ASTN2: variants seen among roughly 807,000 people sequenced by gnomAD.
ASTN2 encodes astrotactin 2, also known as astrotactin-2.
Under a neutral mutation model 139.8 loss-of-function variants are expected in ASTN2, and 54 were observed. The observed-to-expected ratio is 0.39, with a 90% CI of 0.31 to 0.48. The LOEUF (loss-of-function observed/expected upper bound fraction) is 0.48. ASTN2 is among the 20% of genes least tolerant of loss of function. ASTN2 has a pLI of 0.95. For missense variants in ASTN2, 1,565 were observed against 1,725.1 expected, an observed-to-expected ratio of 0.91 and a Z score of 1.64; for synonymous variants, 756 against 719.5, an observed-to-expected ratio of 1.05 and a Z score of -0.81.
At chr9:117,395,757 C>A (rs1465648042) in intron 1 of ASTN2, among the ~76,000 whole-genome samples, 3 of 152,126 alleles carry the variant, frequency 2.0e-5, no homozygotes, top group Non-Finnish European at 2.9e-5. Context: ...TACACAGAAC[C>A]CCCATGAAAC....
intron 11 of ASTN2, among the ~76,000 whole-genome samples, chr9:116,827,352 C>T (rs186595363): frequency 7.2e-6 from 1 of 138,408 alleles, no homozygotes; most frequent in East Asian, 2.1e-4. Context: ...AATACAAGAA[C>T]AAACCACACC....
intron 5 of ASTN2, among the ~76,000 whole-genome samples, chr9:117,053,931 C>G (rs1838983786): frequency 2.0e-5 from 3 of 151,674 alleles, no homozygotes; most frequent in African/African-American, 7.3e-5. Context: ...CTTCAGACCA[C>G]TAACATTTTA....
At chr9:117,105,386 C>A (rs1199855894) in intron 4 of ASTN2, among the ~76,000 whole-genome samples, 1 of 152,100 alleles carries the variant, frequency 6.6e-6, no homozygotes, top group Non-Finnish European at 1.5e-5. Flanking sequence ...AGAGTCTCAG[C>A]TAAGCCCAGC....
chr9:117,373,404 T>C (rs559996758), intron 1 of ASTN2, among the ~76,000 whole-genome samples: 1 of 152,318 alleles, frequency 6.6e-6, no homozygotes, highest in South Asian at 2.1e-4. Flanking sequence ...ATCTTTATTT[T>C]GGCTTCCCTG....
At chr9:116,760,997 A>T (rs899949053) in intron 13 of ASTN2, among the ~76,000 whole-genome samples, 11 of 152,322 alleles carry the variant, frequency 7.2e-5, no homozygotes, top group African/African-American at 2.6e-4. Context: ...GAGATGCTGG[A>T]AGGATGGCTG....
intron 19 of ASTN2, among the ~76,000 whole-genome samples, chr9:116,615,421 C>G (rs1306022135): frequency 6.6e-6 from 1 of 152,076 alleles, no homozygotes; most frequent in Non-Finnish European, 1.5e-5. Context: ...AAGACACGTG[C>G]ACACGTATGT....
chr9:117,367,872 T>A (rs907709139), intron 1 of ASTN2, among the ~76,000 whole-genome samples: 1 of 152,190 alleles, frequency 6.6e-6, no homozygotes, highest in African/African-American at 2.4e-5. Flanking sequence ...GGTCAGCCCC[T>A]GTTCATTTGC....
chr9:116,757,338 T>C (rs550949581), intron 13 of ASTN2, among the ~76,000 whole-genome samples: 1 of 152,302 alleles, frequency 6.6e-6, no homozygotes, highest in East Asian at 1.9e-4. Context: ...TTTTTCTTTT[T>C]GGCATGCGTG....
chr9:116,805,753 C>T lies in ASTN2; in HGVS notation c.2275G>A (p.Gly759Ser), dbSNP rs769441967. Residue 759 changes from glycine (G) to serine (S), a missense_variant, in exon 13 of 23, where the codon GGC becomes AGC. Gly to Ser is a moderately conservative substitution (Grantham distance 56). Transcript: ENST00000313400. ...SCLMLSDVCE[G>S]PKCLKPDSKF... ...GAGTCAGGTTTGAGGCACTTGGGGC[C>T]CTCGCAGACATCTGAGAGCATTAAG... 1 of 1,613,914 alleles carries T rather than the reference C, an allele frequency of 6.2e-7. No homozygotes were observed. The highest frequency in any genetic ancestry group is 8.5e-7 in the Non-Finnish European group (1 of 1,179,842).
chr9:116,499,309 G>A (rs1483806898), intron 19 of ASTN2, among the ~76,000 whole-genome samples: 4 of 144,596 alleles, frequency 2.8e-5, no homozygotes, highest in Non-Finnish European at 4.4e-5. Context: ...ATTAAAGGTC[G>A]ATTGAATGAA....
intron 5 of ASTN2, among the ~76,000 whole-genome samples, chr9:117,076,632 G>A (rs1320924719): frequency 6.6e-6 from 1 of 152,162 alleles, no homozygotes; most frequent in African/African-American, 2.4e-5. Context: ...CCAGTTAGGA[G>A]GCTGTTACAA....
intron 20 of ASTN2, among the ~76,000 whole-genome samples, chr9:116,451,325 G>A (rs1190504952): frequency 6.6e-6 from 1 of 152,172 alleles, no homozygotes; most frequent in Non-Finnish European, 1.5e-5. Flanking sequence ...CAATTAAAGT[G>A]TGTTGAGTGT....
rs370705784 is a variant in ASTN2 at position 117,401,376 on chromosome 9, C to T, written c.442+13121G>A. 1.1e-3 allele frequency among the ~76,000 whole-genome samples: 173 copies of T among 152,056 alleles called. 6 individuals are homozygous for T. In the South Asian group the frequency reaches 0.033, roughly 29 times the overall value. On this transcript the variant is annotated intron_variant, in intron 1 of 22. Coordinates refer to ENST00000313400, the MANE Select transcript of ASTN2 (RefSeq NM_001365068.1). ...GGTGTATAAGGGTGCTACTTTGGTC[C>T]GGGAAGACTACTTGGAGGAGGTAAT...
At chr9:117,364,954 C>T (rs1385085868) in intron 1 of ASTN2, among the ~76,000 whole-genome samples, 1 of 69,228 alleles carries the variant, frequency 1.4e-5, no homozygotes, top group Non-Finnish European at 3.5e-5. Context: ...CTCTACAACA[C>T]ACACACACAC....
At chr9:117,351,086 G>A (rs1360659526) in intron 1 of ASTN2, among the ~76,000 whole-genome samples, 3 of 152,138 alleles carry the variant, frequency 2.0e-5, no homozygotes, top group South Asian at 2.1e-4. Context: ...TAACAGAAGC[G>A]CATGACAGAG....
chr9:117,020,110 C>A (rs1284830626), intron 6 of ASTN2, among the ~76,000 whole-genome samples: 1 of 150,438 alleles, frequency 6.6e-6, no homozygotes, highest in East Asian at 2.0e-4. Flanking sequence ...ACTGGGCAGA[C>A]TAGGATTGGA....
intron 19 of ASTN2, among the ~76,000 whole-genome samples, chr9:116,553,391 G>A (rs1003581333): frequency 6.6e-6 from 1 of 152,132 alleles, no homozygotes; most frequent in Non-Finnish European, 1.5e-5. Flanking sequence ...GTCACTGCTT[G>A]TTTTCCTTAA....
intron 16 of ASTN2, among the ~76,000 whole-genome samples, chr9:116,667,513 A>G (rs933272458): frequency 6.6e-6 from 1 of 152,212 alleles, no homozygotes; most frequent in East Asian, 1.9e-4. Flanking sequence ...ATTGACAACA[A>G]TTATTGCTAG....
At chr9:116,986,387 C>A (rs1375654447) in intron 7 of ASTN2, among the ~76,000 whole-genome samples, 1 of 152,106 alleles carries the variant, frequency 6.6e-6, no homozygotes, top group Non-Finnish European at 1.5e-5. Flanking sequence ...TGAATCCATC[C>A]TATTTTTTCT....
Sources: allele counts gnomAD v4.1 joint callset (sites outside exome capture counted in the v4.1 genomes callset), GRCh38; gene constraint gnomAD v4.1.1; transcripts MANE v1.5; gene names NCBI Gene and HGNC (gene_info 2026-07-23, HGNC 2026-07-21).